The following GRM7 variants were observed in gnomAD, a reference collection of about 807,000 sequenced individuals.
The protein encoded by GRM7 is metabotropic glutamate receptor 7.
In GRM7, 35 loss-of-function variants were observed where a neutral mutation model predicts 84.5. The observed-to-expected ratio is 0.41, with a 90% CI of 0.32 to 0.55. GRM7 has a LOEUF of 0.55. Ranked by LOEUF, GRM7 falls within the 20% of genes least tolerant of loss-of-function variation. GRM7 has a pLI of 0.19. For missense variants in GRM7, 1,003 were observed against 1,194.6 expected, an observed-to-expected ratio of 0.84 and a Z score of 2.36; for synonymous variants, 487 against 455.1, an observed-to-expected ratio of 1.07 and a Z score of -0.89.
At chr3:7,054,283 C>T (rs1189620399) in intron 1 of GRM7, among the ~76,000 whole-genome samples, 1 of 147,518 alleles carries the variant, frequency 6.8e-6, no homozygotes, top group Non-Finnish European at 1.5e-5. Context: ...ATACATATAT[C>T]ATAAAAGATA....
At position 7,357,076 on chromosome 3, in the gene GRM7, T is replaced by A. The variant is rs1355708825; in HGVS notation, c.1033+50424T>A. 2.7e-5 allele frequency among the ~76,000 whole-genome samples: 4 copies of A among 150,820 alleles called. No homozygotes were observed. In the Admixed American group the frequency reaches 2.7e-4, roughly 10 times the overall value. On this transcript the variant is annotated intron_variant, in intron 4 of 9. Coordinates refer to ENST00000357716, the MANE Select transcript of GRM7 (RefSeq NM_000844.4). ...TTTCATATATATAATATTGTTTCTA[T>A]CCCTCTAGAGAACCCTGACTTATAC... is the stretch of plus-strand genomic sequence containing the variant.
intron 2 of GRM7, among the ~76,000 whole-genome samples, chr3:7,204,367 C>A (rs1696164480): frequency 6.6e-6 from 1 of 152,142 alleles, no homozygotes; most frequent in South Asian, 2.1e-4. Flanking sequence ...TTTTTCATGC[C>A]CAGAGCAAAA....
rs528557396 is a variant in GRM7 at position 7,443,523 on chromosome 3, CT to C, written c.1175-9080del. On this transcript the variant is annotated intron_variant, in intron 5 of 9. Transcript: ENST00000357716. ...TAATCTAAATATGTTTCCCTCCGTT[CT>C]TTTACTTCTTGCCATTTGTCAAAAC... 1.1e-3 allele frequency among the ~76,000 whole-genome samples: 167 copies of C among 152,034 alleles called. 1 individual carries two copies. Among genetic ancestry groups the C allele is most frequent in the Admixed American group, 2.9e-3 (44 of 15,250 alleles).
At chr3:7,110,041 A>T (rs1156737273) in intron 1 of GRM7, among the ~76,000 whole-genome samples, 2 of 152,140 alleles carry the variant, frequency 1.3e-5, no homozygotes, top group Admixed American at 1.3e-4. Flanking sequence ...TATAAATGAC[A>T]ATTTAAAAAA....
intron 4 of GRM7, among the ~76,000 whole-genome samples, chr3:7,334,583 A>C (rs2125070109): frequency 6.6e-6 from 1 of 152,300 alleles, no homozygotes; most frequent in Middle Eastern, 3.4e-3. Flanking sequence ...CTAACATTGA[A>C]TGTAAATGGC....
At chr3:6,960,116 A>C (rs988030321) in intron 1 of GRM7, among the ~76,000 whole-genome samples, 1 of 152,176 alleles carries the variant, frequency 6.6e-6, no homozygotes, top group East Asian at 1.9e-4. Flanking sequence ...GGCAAACATC[A>C]ACTAACCAGA....
chr3:6,920,242 A>G (rs1313831973), intron 1 of GRM7, among the ~76,000 whole-genome samples: 1 of 152,110 alleles, frequency 6.6e-6, no homozygotes, highest in Non-Finnish European at 1.5e-5. Flanking sequence ...ATTTTTATCA[A>G]TCCCTAAATT....
intron 1 of GRM7, among the ~76,000 whole-genome samples, chr3:6,888,416 TA>T (rs563477144): frequency 2.6e-5 from 4 of 152,186 alleles, no homozygotes; most frequent in Non-Finnish European, 5.9e-5. Context: ...GTATAAGGTG[TA>T]AGGAAGGGAT....
intron 7 of GRM7, among the ~76,000 whole-genome samples, chr3:7,569,450 C>A (rs943519869): frequency 6.6e-6 from 1 of 152,138 alleles, no homozygotes; most frequent in African/African-American, 2.4e-5. Flanking sequence ...ACACACCAAT[C>A]AGCACCCTGT....
intron 1 of GRM7, among the ~76,000 whole-genome samples, chr3:7,013,533 G>A (rs916994655): frequency 1.3e-5 from 2 of 152,040 alleles, no homozygotes; most frequent in African/African-American, 4.8e-5. Context: ...TTTAGTCAAC[G>A]TTCACATATT....
At chr3:7,728,118 C>T (rs1249661573) in intron 9 of GRM7, among the ~76,000 whole-genome samples, 2 of 152,160 alleles carry the variant, frequency 1.3e-5, no homozygotes, top group African/African-American at 2.4e-5. Context: ...TGATGGCACA[C>T]ACGTACCCTT....
intron 2 of GRM7, among the ~76,000 whole-genome samples, chr3:7,171,293 C>A (rs183191781): frequency 2.6e-5 from 4 of 152,100 alleles, no homozygotes; most frequent in Admixed American, 2.6e-4. Flanking sequence ...TCCAAATGTC[C>A]CCCTTTTTAT....
chr3:7,136,857 G>T (rs1389360390), intron 1 of GRM7, among the ~76,000 whole-genome samples: 2 of 152,040 alleles, frequency 1.3e-5, no homozygotes. Flanking sequence ...CAAGGAATGG[G>T]GAGAAGAATA....
chr3:7,197,081 G>T (rs1031658298), intron 2 of GRM7, among the ~76,000 whole-genome samples: 1 of 152,108 alleles, frequency 6.6e-6, no homozygotes, highest in Non-Finnish European at 1.5e-5. Context: ...TAGCCACAAT[G>T]TCCCATAAGA....
At chr3:7,283,431 G>A (rs1205329233) in intron 2 of GRM7, among the ~76,000 whole-genome samples, 1 of 151,804 alleles carries the variant, frequency 6.6e-6, no homozygotes, top group African/African-American at 2.4e-5. Context: ...AAAAATAACT[G>A]CAAGTACCAA....
At chr3:7,286,543 A>G (rs937987367) in intron 2 of GRM7, among the ~76,000 whole-genome samples, 4 of 152,302 alleles carry the variant, frequency 2.6e-5, no homozygotes, top group South Asian at 2.1e-4. Flanking sequence ...TTCATTTACT[A>G]AATTTCAATA....
intron 2 of GRM7, among the ~76,000 whole-genome samples, chr3:7,276,032 T>C (rs1243380500): frequency 2.0e-5 from 3 of 152,120 alleles, no homozygotes; most frequent in African/African-American, 4.8e-5. Context: ...GGTCCCTCCA[T>C]GTTAGGGGCA....
chr3:7,417,089 C>A (rs1575306242), intron 5 of GRM7, among the ~76,000 whole-genome samples: 1 of 152,012 alleles, frequency 6.6e-6, no homozygotes, highest in African/African-American at 2.4e-5. Flanking sequence ...AGAATTTGGG[C>A]TTATACAAAC....
chr3:6,950,096 G>A (rs1315541308), intron 1 of GRM7, among the ~76,000 whole-genome samples: 3 of 152,156 alleles, frequency 2.0e-5, no homozygotes, highest in Admixed American at 2.0e-4. Flanking sequence ...CTTTGCTGGT[G>A]AGGAGCTGCA....
Sources: allele counts gnomAD v4.1 joint callset (sites outside exome capture counted in the v4.1 genomes callset), GRCh38; gene constraint gnomAD v4.1.1; transcripts MANE v1.5; gene names NCBI Gene and HGNC (gene_info 2026-07-23, HGNC 2026-07-21).